Variants in RABGAP1L observed in about 807,000 individuals in gnomAD.
RABGAP1L encodes the protein RAB GTPase activating protein 1 like.
Under a neutral mutation model 137.7 loss-of-function variants are expected in RABGAP1L, and 63 were observed. That is an observed-to-expected ratio of 0.46 (90% CI 0.37 to 0.56). The LOEUF is 0.56. Among genes scored for constraint, RABGAP1L ranks in the 20% least tolerant of loss-of-function variants. RABGAP1L has a pLI of 0.00. For synonymous variants in RABGAP1L, 431 were observed against 433.7 expected (o/e 0.99, Z 0.08); for missense variants, 1,095 against 1,244.0 (o/e 0.88, Z 1.80).
chr1:174,347,139 A>T (rs901410547), intron 11 of RABGAP1L, among the ~76,000 whole-genome samples: 1 of 152,132 alleles, frequency 6.6e-6, no homozygotes, highest in African/African-American at 2.4e-5. Flanking sequence ...CTAACTGATG[A>T]CCTATCCTTG....
chr1:174,938,633 C>A (rs1349476198), intron 19 of RABGAP1L: 1 of 152,172 alleles, frequency 6.6e-6, no homozygotes, highest in African/African-American at 2.4e-5. Flanking sequence ...CAGTTTCCCC[C>A]TTGTAAATTA....
At chr1:174,729,589 A>G (rs1281952703) in intron 17 of RABGAP1L, among the ~76,000 whole-genome samples, 9 of 152,198 alleles carry the variant, frequency 5.9e-5, no homozygotes, top group African/African-American at 2.4e-5. Context: ...AGTCTAATAC[A>G]TAGAATCTAT....
chr1:174,809,699 A>C (rs774949255), intron 18 of RABGAP1L, among the ~76,000 whole-genome samples: 29 of 152,228 alleles, frequency 1.9e-4, no homozygotes, highest in Non-Finnish European at 2.9e-4. Flanking sequence ...AAACCCTGGA[A>C]GCAGTTTGTC....
chr1:174,480,809 C>T (rs1659009765), intron 13 of RABGAP1L, among the ~76,000 whole-genome samples: 1 of 152,204 alleles, frequency 6.6e-6, no homozygotes, highest in African/African-American at 2.4e-5. Flanking sequence ...ACATATAACC[C>T]TTCCACGGGT....
intron 13 of RABGAP1L, among the ~76,000 whole-genome samples, chr1:174,441,964 T>C (rs12080407): frequency 0.35 from 53,421 of 151,704 alleles, 12,064 homozygotes; most frequent in African/African-American, 0.64. Context: ...CAATTATTTA[T>C]AGTATTTGTA....
At chr1:174,347,340 G>C (rs1682525998) in intron 11 of RABGAP1L, among the ~76,000 whole-genome samples, 1 of 152,096 alleles carries the variant, frequency 6.6e-6, no homozygotes, top group African/African-American at 2.4e-5. Context: ...TTGCATTGGG[G>C]CTGATCTCTT....
Position 174,371,067 on chromosome 1 carries a change from A to G in RABGAP1L, c.1554A>G (p.Gly518=). ...KILYSWGELL[G]KWHSNLGARP... ...TGTATTCTTGGGGAGAGTTGCTAGG[A>G]AAATGGTAAAATTTTATTTTTCATA... Residue 518 remains glycine (G), a synonymous_variant, in exon 12 of 26, where the codon GGA becomes GGG. Coordinates refer to ENST00000681986, the MANE Select transcript of RABGAP1L (RefSeq NM_001366446.1). The G allele has an allele frequency of 2.0e-6, 3 of 1,472,608 alleles. No homozygotes were observed. Among genetic ancestry groups the G allele is most frequent in the Non-Finnish European group, 2.8e-6 (3 of 1,083,470 alleles). The allele number at this position is 1,472,608 out of a possible 1,614,324, so 91.2% of individuals were successfully genotyped here. A position where few individuals can be genotyped will look rare whatever the true frequency, so the allele number is the denominator to read the frequency against.
At chr1:174,646,879 T>G (rs912449457) in intron 14 of RABGAP1L, among the ~76,000 whole-genome samples, 1 of 152,194 alleles carries the variant, frequency 6.6e-6, no homozygotes, top group Non-Finnish European at 1.5e-5. Flanking sequence ...TGTCCTCTCT[T>G]ATTTCCTTGA....
chr1:174,964,277 A>G (rs12122361), intron 20 of RABGAP1L, among the ~76,000 whole-genome samples: 28,124 of 152,182 alleles, frequency 0.18, 3,556 homozygotes, highest in Non-Finnish European at 0.27. Context: ...CTTTAAAAGC[A>G]TGTGCCAAGA....
intron 17 of RABGAP1L, among the ~76,000 whole-genome samples, chr1:174,725,357 C>G (rs1397375310): frequency 6.6e-6 from 1 of 152,048 alleles, no homozygotes; most frequent in Non-Finnish European, 1.5e-5. Flanking sequence ...AACATCATCC[C>G]CAAAAGACTA....
chr1:174,776,566 G>C (rs1413816896), intron 18 of RABGAP1L, among the ~76,000 whole-genome samples: 2 of 152,116 alleles, frequency 1.3e-5, no homozygotes, highest in African/African-American at 2.4e-5. Context: ...GAATACTTTT[G>C]TCGACTTGTG....
intron 13 of RABGAP1L, among the ~76,000 whole-genome samples, chr1:174,416,424 C>G (rs1470267660): frequency 6.6e-6 from 1 of 151,910 alleles, no homozygotes; most frequent in Non-Finnish European, 1.5e-5. Flanking sequence ...GGATTTTTAG[C>G]AGACCTTATT....
At chr1:174,521,608 C>A (rs868373717) in intron 13 of RABGAP1L, among the ~76,000 whole-genome samples, 1 of 152,060 alleles carries the variant, frequency 6.6e-6, no homozygotes, top group South Asian at 2.1e-4. Context: ...AGAAAATTAG[C>A]GTGGAGATAA....
chr1:174,910,251 A>G (rs1308668079), intron 19 of RABGAP1L, among the ~76,000 whole-genome samples: 1 of 152,232 alleles, frequency 6.6e-6, no homozygotes, highest in African/African-American at 2.4e-5. Flanking sequence ...TAAGTGTGGT[A>G]CATCACATGG....
At chr1:174,492,699 C>T (rs553052715) in intron 13 of RABGAP1L, among the ~76,000 whole-genome samples, 2 of 152,058 alleles carry the variant, frequency 1.3e-5, no homozygotes, top group African/African-American at 2.4e-5. Flanking sequence ...CCCACCCTGC[C>T]TCAACTGTAC....
At chr1:174,803,193 C>T (rs1213304193) in intron 18 of RABGAP1L, among the ~76,000 whole-genome samples, 1 of 152,150 alleles carries the variant, frequency 6.6e-6, no homozygotes, top group Admixed American at 6.5e-5. Context: ...CGTCAAACTA[C>T]TAGAACTCTA....
intron 11 of RABGAP1L, among the ~76,000 whole-genome samples, chr1:174,342,453 A>C (rs1236115765): frequency 6.6e-6 from 1 of 152,206 alleles, no homozygotes; most frequent in African/African-American, 2.4e-5. Flanking sequence ...TTTGACTGAG[A>C]ATATCATGTA....
chr1:174,444,920 CT>C (rs1558239952), intron 13 of RABGAP1L, among the ~76,000 whole-genome samples: 1 of 151,748 alleles, frequency 6.6e-6, no homozygotes, highest in Non-Finnish European at 1.5e-5. Flanking sequence ...TTTTTTAGGA[CT>C]TTTAAGAATA....
intron 18 of RABGAP1L, among the ~76,000 whole-genome samples, chr1:174,755,761 G>A (rs868531956): frequency 3.3e-5 from 5 of 152,224 alleles, no homozygotes; most frequent in Admixed American, 6.5e-5. Context: ...GGGAAAGTGG[G>A]AGGAAATCCA....
Sources: gnomAD v4.1 joint callset for allele counts (sites outside exome capture counted in the v4.1 genomes callset) on GRCh38, gnomAD v4.1.1 for gene constraint, MANE v1.5 for transcripts, NCBI Gene and HGNC (gene_info 2026-07-23, HGNC 2026-07-21) for gene names.